The following SLC3A1 variants were observed in gnomAD, a reference collection of about 807,000 sequenced individuals.
The protein encoded by SLC3A1 is amino acid transporter heavy chain SLC3A1.
In SLC3A1, 78 loss-of-function variants were observed where a neutral mutation model predicts 60.3. The observed-to-expected ratio is 1.29, with a 90% confidence interval of 1.08 to 1.56. The LOEUF (loss-of-function observed/expected upper bound fraction) is 1.56. SLC3A1 is among the 40% of genes most tolerant of loss of function. The pLI is 0.00. For synonymous variants in SLC3A1, 392 were observed against 307.9 expected (o/e 1.27, Z -2.86); for missense variants, 1,172 against 858.9 (o/e 1.36, Z -4.56).
At chr2:44,301,910 A>G (rs762149265) in intron 6 of SLC3A1, among the ~76,000 whole-genome samples, 2 of 150,474 alleles carry the variant, frequency 1.3e-5, no homozygotes, top group African/African-American at 2.4e-5. Context: ...AACTACAAAA[A>G]TGGGCAAGGT....
chr2:44,311,735 A>AC (rs1281594985), intron 7 of SLC3A1, among the ~76,000 whole-genome samples: 5 of 151,572 alleles, frequency 3.3e-5, no homozygotes, highest in Admixed American at 2.0e-4. Flanking sequence ...AAAAAAAAAA[A>AC]ACCCAACCTC....
At chr2:44,303,782 C>A (rs1397454501) in intron 6 of SLC3A1, 3 of 408,360 alleles carry the variant, frequency 7.3e-6, no homozygotes, top group Non-Finnish European at 1.4e-5. Context: ...GCCCTGTGTC[C>A]ATGTGTTCTC....
chr2:44,278,114 A>G (rs1168270326), intron 1 of SLC3A1, among the ~76,000 whole-genome samples: 2 of 152,058 alleles, frequency 1.3e-5, no homozygotes, highest in African/African-American at 4.8e-5. Context: ...TCTTGCAGCT[A>G]CCCATATGGG....
chr2:44,308,670 T>C (rs2104377891), intron 7 of SLC3A1, among the ~76,000 whole-genome samples: 1 of 152,332 alleles, frequency 6.6e-6, no homozygotes, highest in East Asian at 1.9e-4. Flanking sequence ...ATTGATCTTG[T>C]ATCCTAAAAC....
intron 9 of SLC3A1, chr2:44,319,562 TTA>T (rs1455638624): frequency 6.6e-6 from 1 of 152,476 alleles, no homozygotes; most frequent in Non-Finnish European, 1.5e-5. Context: ...CATCATCAAA[TTA>T]TGTTTTATAT....
Position 44,320,216 on chromosome 2 carries a change from C to T in SLC3A1, c.1635C>T (p.Pro545=), listed in dbSNP as rs1271599156. The change falls in exon 10 of 10, where the codon CCC becomes CCT. Residue 545 remains proline (P), a synonymous_variant. Transcript: ENST00000260649. The part of the protein sequence containing the change: ...TVNVDVQKTQ[P]RSALKLYQDL... ...AAAAATAGGTCCAAAAGACTCAGCCCAGATCGGCTTTGAAGTTATATCAAG... is the reference window on the plus strand; with the variant it reads ...AAAAATAGGTCCAAAAGACTCAGCCTAGATCGGCTTTGAAGTTATATCAAG... 3 of 1,613,666 alleles carry T rather than the reference C, an allele frequency of 1.9e-6. No individual in the cohort carries two copies. Among genetic ancestry groups the T allele is most frequent in the Non-Finnish European group, 2.5e-6 (3 of 1,179,698 alleles).
Position 44,312,605 on chromosome 2 carries a change from C to T in SLC3A1, c.1352C>T (p.Ser451Leu), listed in dbSNP as rs751967477. ...PNWMIGGPDSSRLTSRLGNQY... is the reference protein window; with the variant it reads ...PNWMIGGPDSLRLTSRLGNQY... ...TTTCAGATTGGTGGACCAGACAGTT[C>T]ACGGCTGACTTCGCGTTTGGGGAAT... The change falls in exon 8 of 10, where the codon TCA (serine) becomes TTA (leucine). Residue 451 changes from serine (S) to leucine (L), a missense_variant. Transcript: ENST00000260649. 2 of 1,613,776 alleles carry T rather than the reference C, an allele frequency of 1.2e-6. No individual in the cohort carries two copies. The highest frequency in any genetic ancestry group is 1.7e-5 in the Admixed American group (1 of 59,986).
At chr2:44,283,804 A>T (rs1283043736) in intron 3 of SLC3A1, among the ~76,000 whole-genome samples, 2 of 150,814 alleles carry the variant, frequency 1.3e-5, no homozygotes, top group African/African-American at 2.5e-5. Flanking sequence ...CTTCGACTCT[A>T]AAAAAATTAT....
In SLC3A1 at chr2:44,321,138, G is replaced by C. The variant is rs1318581001; in HGVS notation, c.*499G>C. 19 of 529,358 alleles carry C rather than the reference G, an allele frequency of 3.6e-5. 1 individual carries two copies. In the Admixed American group the frequency reaches 6.2e-4, roughly 17 times the overall value. The allele number at this position is 529,358 out of a possible 1,614,324, so 32.8% of individuals were successfully genotyped here. A position where few individuals can be genotyped will look rare whatever the true frequency, so the allele number is the denominator to read the frequency against. ...CACATCCTTCTAAGGAGCATGATTTGAAAATTACTTTCCTAGGTTAATGGG... is the reference window on the plus strand; with the variant it reads ...CACATCCTTCTAAGGAGCATGATTTCAAAATTACTTTCCTAGGTTAATGGG... On this transcript the variant is annotated 3_prime_UTR_variant, in exon 10 of 10. Coordinates refer to ENST00000260649, the MANE Select transcript of SLC3A1 (RefSeq NM_000341.4).
intron 9 of SLC3A1, chr2:44,317,737 TTA>T (rs1247718476): frequency 6.6e-6 from 1 of 151,762 alleles, no homozygotes; most frequent in African/African-American, 2.4e-5. Context: ...AAGAAAAAAA[TTA>T]TACAGTCAAT....
chr2:44,316,074 A>C (rs968531055), intron 9 of SLC3A1, among the ~76,000 whole-genome samples: 22 of 152,206 alleles, frequency 1.4e-4, no homozygotes, highest in African/African-American at 4.8e-4. Context: ...AAGACAAGTC[A>C]GACCCACATC....
chr2:44,310,681 AGTT>A (rs1380219972), intron 7 of SLC3A1, among the ~76,000 whole-genome samples: 2 of 151,784 alleles, frequency 1.3e-5, no homozygotes, highest in African/African-American at 2.4e-5. Flanking sequence ...AAATTTGGGA[AGTT>A]GTTGGCTATT....
At chr2:44,309,840 T>C (rs1329081723) in intron 7 of SLC3A1, among the ~76,000 whole-genome samples, 1 of 152,070 alleles carries the variant, frequency 6.6e-6, no homozygotes, top group Non-Finnish European at 1.5e-5. Flanking sequence ...CTCAAGTGAT[T>C]TGCTGCCTTG....
downstream of SLC3A1, chr2:44,321,853 G>A: frequency 6.2e-7 from 1 of 1,613,650 alleles, no homozygotes; most frequent in South Asian, 1.1e-5. Context: ...TCAATTACAT[G>A]ATTGCCTCCA....
chr2:44,292,246 AG>A (rs1337239486), intron 4 of SLC3A1, among the ~76,000 whole-genome samples: 1 of 152,138 alleles, frequency 6.6e-6, no homozygotes, highest in Non-Finnish European at 1.5e-5. Flanking sequence ...GAGGGAACCC[AG>A]AGCACAGGCG....
intron 7 of SLC3A1, among the ~76,000 whole-genome samples, chr2:44,308,896 C>G (rs1160522454): frequency 2.0e-5 from 3 of 151,990 alleles, no homozygotes; most frequent in Non-Finnish European, 4.4e-5. Context: ...CCATGCCTGG[C>G]TAACTTCTTG....
intron 3 of SLC3A1, 154 bp from the exon 4 acceptor site, chr2:44,285,877 AT>A (rs780676325): frequency 1.3e-4 from 118 of 908,924 alleles, no homozygotes; most frequent in Non-Finnish European, 1.7e-4. Flanking sequence ...GGTGGGGGGT[AT>A]TTGGAAGGGG....
intron 3 of SLC3A1, 183 bp from the exon 4 acceptor site, chr2:44,285,849 G>A: frequency 1.3e-6 from 1 of 749,882 alleles, no homozygotes; most frequent in East Asian, 2.6e-5. Flanking sequence ...CCATGTTTGT[G>A]AGGCATTAGG....
rs780122455 is a variant in SLC3A1, at chr2:44,304,255, G to C, written c.1249G>C (p.Asp417His). ...FPFNNYLSML[D>H]TVSGNSVYEV... ...CTTCAACAATTACCTCAGCATGCTA[G>C]ACACTGTTTCTGGGAACAGCGTGTA... Residue 417 changes from aspartate (D) to histidine (H), a missense_variant, in exon 7 of 10, where the codon GAC (aspartate) becomes CAC (histidine). Coordinates refer to ENST00000260649, the MANE Select transcript of SLC3A1 (RefSeq NM_000341.4). 41 of 1,614,000 alleles carry C rather than the reference G, an allele frequency of 2.5e-5. No homozygotes were observed. The African/African-American group carries it at 4.9e-4, about 19-fold the overall frequency.
Sources: gnomAD v4.1 joint callset for allele counts (sites outside exome capture counted in the v4.1 genomes callset) on GRCh38, gnomAD v4.1.1 for gene constraint, MANE v1.5 for transcripts, NCBI Gene and HGNC (gene_info 2026-07-23, HGNC 2026-07-21) for gene names.